The following MINK1 variants were observed in gnomAD, a reference collection of about 807,000 sequenced individuals.
MINK1 encodes misshapen like kinase 1, also known as misshapen-like kinase 1.
In MINK1, 46 loss-of-function variants were observed where a neutral mutation model predicts 178.4. That is an observed-to-expected ratio of 0.26 (90% CI 0.20 to 0.33). MINK1 has a LOEUF of 0.33. MINK1 is among the 10% of genes least tolerant of loss of function. The pLI is 1.00. For missense variants in MINK1, 1,366 were observed against 1,814.9 expected (o/e 0.75, Z 4.49); for synonymous variants, 797 against 709.7 (o/e 1.12, Z -1.96).
chr17:4,895,975 C>A lies in MINK1; in HGVS notation c.3365-28C>A. 1 of 1,575,346 alleles carries A rather than the reference C, an allele frequency of 6.3e-7. No homozygotes were observed. Among genetic ancestry groups the A allele is most frequent in the Admixed American group, 1.9e-5 (1 of 53,622 alleles). On this transcript the variant is annotated intron_variant, in intron 27 of 31. Coordinates refer to ENST00000355280, the MANE Select transcript of MINK1 (RefSeq NM_153827.5). This position sits in a 1 kb window ranked among gnomAD's most constrained non-coding sequence, Gnocchi z 4.3. ...GCCCGTGGCGCAAGAAGGGAAGTCT[C>A]AGCATCCCTCTTCTCTCCCGCCCCC...
chr17:4,857,131 C>T (rs887224031), intron 1 of MINK1: 2 of 252,324 alleles, frequency 7.9e-6, no homozygotes, highest in African/African-American at 2.3e-5. Context: ...AGACTGTTGT[C>T]ATCATTCAGG....
intron 2 of MINK1, among the ~76,000 whole-genome samples, chr17:4,880,222 G>A (rs1373932047): frequency 3.3e-5 from 5 of 151,956 alleles, no homozygotes; most frequent in Non-Finnish European, 7.4e-5. Flanking sequence ...GCTCAGGAGC[G>A]CTCTCTGTCC....
At chr17:4,846,534 A>G (rs1015877553) in intron 1 of MINK1, among the ~76,000 whole-genome samples, 25 of 151,396 alleles carry the variant, frequency 1.7e-4, no homozygotes, top group South Asian at 4.4e-4. Flanking sequence ...GAATGTTCCA[A>G]TTGATGACTC....
At chr17:4,875,721 A>G (rs1490384301) in intron 1 of MINK1, among the ~76,000 whole-genome samples, 1 of 151,020 alleles carries the variant, frequency 6.6e-6, no homozygotes, top group African/African-American at 2.4e-5. Flanking sequence ...GCGGTGAGCC[A>G]AGATCGTGCC....
chr17:4,895,853 T>C lies in MINK1; in HGVS notation c.3364+21T>C. The C allele has an allele frequency of 6.2e-7, 1 of 1,610,836 alleles. No homozygotes were observed. Among genetic ancestry groups the C allele is most frequent in the Non-Finnish European group, 8.5e-7 (1 of 1,178,282 alleles). ...TGTTGGTGAGGATGTCCCAACAGAG[T>C]GGCCAGCGCATACTTGTTCATGAAG... On this transcript the variant is annotated intron_variant, in intron 27 of 31. Coordinates refer to ENST00000355280, the MANE Select transcript of MINK1 (RefSeq NM_153827.5). This position sits in a 1 kb window ranked among gnomAD's most constrained non-coding sequence, Gnocchi z 4.3.
Position 4,896,601 on chromosome 17 carries a change from C to G in MINK1, c.3775+13C>G. 6.2e-7 allele frequency: 1 copy of G among 1,613,384 alleles called. No homozygotes were observed. Among genetic ancestry groups the G allele is most frequent in the Non-Finnish European group, 8.5e-7 (1 of 1,179,554 alleles). On this transcript the variant is annotated intron_variant, in intron 30 of 31. Coordinates refer to ENST00000355280, the MANE Select transcript of MINK1 (RefSeq NM_153827.5). The surrounding 1 kb of genome is among the most constrained non-coding windows in gnomAD (Gnocchi z 4.6). The stretch of plus-strand genomic sequence containing the variant: ...CCTACTTCTGTGGGTGAGTGAGCTG[C>G]CGCCCTCCCAGCCACATGCCCCGAG...
intron 1 of MINK1, among the ~76,000 whole-genome samples, chr17:4,846,675 T>C (rs141259786): frequency 6.6e-6 from 1 of 152,304 alleles, no homozygotes; most frequent in Non-Finnish European, 1.5e-5. Context: ...GGCCATCTTA[T>C]TATGACTTTT....
Position 4,833,574 on chromosome 17 carries a change from C to T in MINK1, c.-10C>T. ...TGAGCGGCCCCGGTGCCCCGTTCCC[C>T]ACGGAGGCCATGGGCGACCCAGCCC... On this transcript the variant is annotated 5_prime_UTR_variant, in exon 1 of 32. Coordinates refer to ENST00000355280, the MANE Select transcript of MINK1 (RefSeq NM_153827.5). This position sits in a 1 kb window ranked among gnomAD's most constrained non-coding sequence, Gnocchi z 4.8. 1 of 1,498,566 alleles carries T rather than the reference C, an allele frequency of 6.7e-7. No homozygotes were observed. The highest frequency in any genetic ancestry group is 8.9e-7 in the Non-Finnish European group (1 of 1,129,816). 92.8% of individuals were successfully genotyped at this position (1,498,566 alleles called of 1,614,324 possible). A position where few individuals can be genotyped will look rare whatever the true frequency, so the allele number is the denominator to read the frequency against.
rs1969227392 is a variant in MINK1, at chr17:4,894,533, T to C, written c.2817T>C (p.Ser939=). Residue 939 remains serine, a synonymous_variant, in exon 24 of 32, where the codon TCT becomes TCC. Transcript: ENST00000355280. The surrounding 1 kb of genome is among the most constrained non-coding windows in gnomAD (Gnocchi z 4.1). ...PSKDGSGDYQ[S]RGLVKAPGKS... ...CTGTCCCCCTACCACAGTACCAGTC[T>C]CGTGGGCTGGTAAAGGCCCCTGGCA... 6.3e-7 allele frequency: 1 copy of C among 1,599,868 alleles called. No individual in the cohort carries two copies. The highest frequency in any genetic ancestry group is 1.3e-5 in the African/African-American group (1 of 74,644).
intron 4 of MINK1, among the ~76,000 whole-genome samples, chr17:4,881,883 C>A (rs772839142): frequency 2.6e-5 from 4 of 152,270 alleles, no homozygotes; most frequent in South Asian, 2.1e-4. Context: ...TGAGCCCAGT[C>A]CCTGAGGATG....
chr17:4,872,894 ATC>A (rs1387525763), intron 1 of MINK1, among the ~76,000 whole-genome samples: 1 of 152,150 alleles, frequency 6.6e-6, no homozygotes, highest in Non-Finnish European at 1.5e-5. Context: ...TCTAGCTGTC[ATC>A]TGATTTTCCC....
At chr17:4,853,509 C>T (rs1041174684) in intron 1 of MINK1, among the ~76,000 whole-genome samples, 3 of 151,500 alleles carry the variant, frequency 2.0e-5, no homozygotes, top group Non-Finnish European at 2.9e-5. Flanking sequence ...TGTGTGCCAT[C>T]GGAAGGCTAT....
chr17:4,839,227 G>A (rs778058115), intron 1 of MINK1, among the ~76,000 whole-genome samples: 2 of 152,114 alleles, frequency 1.3e-5, no homozygotes, highest in Non-Finnish European at 2.9e-5. Context: ...ACAGGCGCGA[G>A]CCACCGTGCC....
Position 4,890,962 on chromosome 17 carries a change from A to C in MINK1, c.1578A>C (p.Arg526Ser). The C allele has an allele frequency of 1.3e-6, 2 of 1,556,164 alleles. No individual in the cohort carries two copies. Among genetic ancestry groups the C allele is most frequent in the Non-Finnish European group, 1.7e-6 (2 of 1,149,672 alleles). Residue 526 changes from arginine (R) to serine (S), a missense_variant, in exon 15 of 32, where the codon AGA becomes AGC. Transcript: ENST00000355280. Reference sequence around the variant, plus strand: ...CCTTCACATCACAGGTAGAAGAGAGAACAAGGATGAACAAGCAGCAGAACT... The same window carrying C: ...CCTTCACATCACAGGTAGAAGAGAGCACAAGGATGAACAAGCAGCAGAACT... ...KPAWAREVEE[R>S]TRMNKQQNSP... is the part of the protein sequence containing the mutation.
At chr17:4,854,650 A>G in intron 1 of MINK1, 1 of 440,154 alleles carries the variant, frequency 2.3e-6, no homozygotes, top group South Asian at 1.6e-5. Flanking sequence ...CTCCCATCAC[A>G]TAAATATTTT....
At chr17:4,875,633 G>A (rs1019338300) in intron 1 of MINK1, 26 of 360,390 alleles carry the variant, frequency 7.2e-5, no homozygotes, top group South Asian at 1.4e-4. Context: ...TTAGCTGGGC[G>A]TGGTGGCACA....
chr17:4,844,219 T>C (rs1221517342), intron 1 of MINK1, among the ~76,000 whole-genome samples: 7 of 152,096 alleles, frequency 4.6e-5, no homozygotes, highest in Admixed American at 1.3e-4. Context: ...CAGGCTGGTC[T>C]CGAACTCCTG....
intron 20 of MINK1, 138 bp from the exon 21 acceptor site, chr17:4,893,296 G>A (rs770343995): frequency 1.2e-6 from 2 of 1,613,880 alleles, no homozygotes; most frequent in Non-Finnish European, 1.7e-6. Flanking sequence ...AGCTATAAGC[G>A]AGCAATTGGT....
At chr17:4,897,182 C>T (rs777881183) in intron 31 of MINK1, 22 bp from the exon 32 acceptor site, 4 of 1,609,262 alleles carry the variant, frequency 2.5e-6, no homozygotes, top group East Asian at 2.2e-5. Context: ...CCCTTGGTGA[C>T]TTCTTCTCCT....
Sources: gnomAD v4.1 joint callset for allele counts (sites outside exome capture counted in the v4.1 genomes callset) on GRCh38, gnomAD v4.1.1 for gene constraint, Gnocchi (gnomAD v3.1) non-coding constraint, MANE v1.5 for transcripts, NCBI Gene and HGNC (gene_info 2026-07-23, HGNC 2026-07-21) for gene names.